Variants in USH2A observed in about 807,000 individuals in gnomAD.
USH2A encodes usherin, also known as Usher syndrome 2A (autosomal recessive, mild).
In USH2A, 443 loss-of-function variants were observed where a neutral mutation model predicts 538.9. That is an observed-to-expected ratio of 0.82 (90% CI 0.76 to 0.89). The LOEUF is 0.89. Ranked by LOEUF, USH2A falls within the 40% of genes least tolerant of loss-of-function variation. The pLI is 0.00. For synonymous variants in USH2A, 2,413 were observed against 2,273.5 expected, an observed-to-expected ratio of 1.06 and a Z score of -1.75; for missense variants, 6,633 against 6,324.8, an observed-to-expected ratio of 1.05 and a Z score of -1.65.
intron 21 of USH2A, among the ~76,000 whole-genome samples, chr1:216,165,973 C>T (rs554489480): frequency 1.6e-4 from 24 of 152,176 alleles, no homozygotes; most frequent in African/African-American, 5.5e-4. Flanking sequence ...CCCACACTTT[C>T]CCCTGAGTCC....
At chr1:216,157,089 G>A (rs1023400928) in intron 21 of USH2A, among the ~76,000 whole-genome samples, 7 of 152,082 alleles carry the variant, frequency 4.6e-5, no homozygotes, top group Non-Finnish European at 1.0e-4. Context: ...GACCAGGATG[G>A]TCTCGATCTC....
rs151263705 is a variant in USH2A, at chr1:215,784,620, A to T, written c.10388-1685T>A. Reference sequence around the variant, plus strand: ...TTGCATAAATGAATAAATTTTTGTCAGCACTGGTATTGTCAGCTTTCAAGT... The same window carrying T: ...TTGCATAAATGAATAAATTTTTGTCTGCACTGGTATTGTCAGCTTTCAAGT... On this transcript the variant is annotated intron_variant, in intron 52 of 71. Transcript: ENST00000307340. 7.7e-4 allele frequency among the ~76,000 whole-genome samples: 117 copies of T among 152,334 alleles called. 1 individual carries two copies. In the East Asian group the frequency reaches 0.018, roughly 23 times the overall value.
intron 11 of USH2A, among the ~76,000 whole-genome samples, chr1:216,268,787 A>C (rs1448807156): frequency 6.6e-6 from 1 of 152,008 alleles, no homozygotes; most frequent in Admixed American, 6.6e-5. Flanking sequence ...CCACATGACT[A>C]ACTCCTTCAT....
In USH2A at chr1:216,175,388, A is replaced by G. The variant is rs2034357479; in HGVS notation, c.4491T>C (p.Ser1497=). The change falls in exon 21 of 72, where the codon TCT becomes TCC. Residue 1497 remains serine, a synonymous_variant. Transcript: ENST00000307340. ...CTCTCCTTTCCAGCTGATATATAGG[A>G]GAGGGTCCATTCAGTTCTTCAGGTG... ...WFPPEELNGP[S]PIYQLERRES... The G allele has an allele frequency of 1.9e-6, 3 of 1,613,626 alleles. No homozygotes were observed. The highest frequency in any genetic ancestry group is 1.7e-5 in the Admixed American group (1 of 59,938).
chr1:216,095,919 A>G (rs1005674244), intron 22 of USH2A, among the ~76,000 whole-genome samples: 3 of 152,184 alleles, frequency 2.0e-5, no homozygotes, highest in Non-Finnish European at 4.4e-5. Flanking sequence ...CTTTACCAAT[A>G]AAATGTAAAA....
chr1:216,351,409 G>T (rs912499230), intron 4 of USH2A, among the ~76,000 whole-genome samples: 1 of 152,142 alleles, frequency 6.6e-6, no homozygotes, highest in Non-Finnish European at 1.5e-5. Flanking sequence ...GTTCCAGGTT[G>T]AAAGAACAGC....
Position 216,246,836 on chromosome 1 carries a change from C to A in USH2A, c.2558G>T (p.Gly853Val). ...LCLPCNCDKT[G>V]TINGSLLCNK... The stretch of plus-strand genomic sequence containing the variant: ...ACACAGCAGAGAGCCATTTATTGTC[C>A]CAGTCTTATCACAGTTGCAAGGCAG... The change falls in exon 13 of 72, where the codon GGG becomes GTG. Residue 853 changes from glycine to valine, a missense_variant. Coordinates refer to ENST00000307340, the MANE Select transcript of USH2A (RefSeq NM_206933.4). 1 of 1,614,084 alleles carries A rather than the reference C, an allele frequency of 6.2e-7. No homozygotes were observed. Among genetic ancestry groups the A allele is most frequent in the Non-Finnish European group, 8.5e-7 (1 of 1,179,966 alleles).
chr1:216,096,525 T>C (rs1277492175), intron 22 of USH2A, among the ~76,000 whole-genome samples: 3 of 152,208 alleles, frequency 2.0e-5, no homozygotes, highest in African/African-American at 7.2e-5. Context: ...AATTTATTTC[T>C]TTATTTTATG....
At chr1:216,071,515 T>C (rs1369934557) in intron 29 of USH2A, among the ~76,000 whole-genome samples, 2 of 152,182 alleles carry the variant, frequency 1.3e-5, no homozygotes, top group African/African-American at 4.8e-5. Flanking sequence ...AATTAAATAG[T>C]GCAATTATTC....
chr1:216,242,701 C>G (rs936985034), intron 13 of USH2A, among the ~76,000 whole-genome samples: 6 of 152,040 alleles, frequency 3.9e-5, no homozygotes, highest in African/African-American at 1.2e-4. Flanking sequence ...ACATGGCTAC[C>G]CAGTTCACCT....
At chr1:216,136,696 C>T (rs200218074) in intron 21 of USH2A, among the ~76,000 whole-genome samples, 1 of 151,994 alleles carries the variant, frequency 6.6e-6, no homozygotes, top group Admixed American at 6.6e-5. Flanking sequence ...AGGGTGAGGC[C>T]CTACTGTAGT....
At chr1:216,383,654 G>A (rs557747278) in intron 3 of USH2A, among the ~76,000 whole-genome samples, 24 of 152,134 alleles carry the variant, frequency 1.6e-4, no homozygotes, top group Non-Finnish European at 2.8e-4. Flanking sequence ...TTATCTTCAC[G>A]TATAATTCTT....
rs9728151 is a variant in USH2A at position 216,123,208 on chromosome 1, G to A, written c.4628-25995C>T. ...CTTCTTCCTCTGGGTAAATAGCACA[G>A]TTGCACAGTTTTGTTAAGCACAGGG... is the stretch of plus-strand genomic sequence containing the variant. On this transcript the variant is annotated intron_variant, in intron 21 of 71. Transcript: ENST00000307340. 2.7e-3 allele frequency among the ~76,000 whole-genome samples: 405 copies of A among 152,280 alleles called. 3 individuals carry two copies. Among genetic ancestry groups the A allele is most frequent in the African/African-American group, 9.2e-3 (381 of 41,556 alleles).
chr1:216,067,322 G>T (rs1369697449), intron 30 of USH2A, among the ~76,000 whole-genome samples: 1 of 152,104 alleles, frequency 6.6e-6, no homozygotes, highest in African/African-American at 2.4e-5. Context: ...TGTAGATGCC[G>T]GGTTGATGGG....
At chr1:216,223,977 C>A (rs980345610) in intron 14 of USH2A, among the ~76,000 whole-genome samples, 4 of 152,180 alleles carry the variant, frequency 2.6e-5, no homozygotes, top group African/African-American at 9.7e-5. Context: ...GTATTTTATG[C>A]TCCAGAAGTC....
chr1:216,125,933 A>G lies in USH2A; in HGVS notation c.4628-28720T>C, dbSNP rs531090782. On this transcript the variant is annotated intron_variant, in intron 21 of 71. Transcript: ENST00000307340. Reference sequence around the variant, plus strand: ...ACGCCGTAGGTCTTTTATCATTATAAGACAGCTGCCAATTTAAGTGATTCA... The same window carrying G: ...ACGCCGTAGGTCTTTTATCATTATAGGACAGCTGCCAATTTAAGTGATTCA... Among the ~76,000 whole-genome samples, 58 of 152,338 alleles carry G rather than the reference A, an allele frequency of 3.8e-4. No individual in the cohort carries two copies. In the South Asian group the frequency reaches 0.012, roughly 32 times the overall value.
At chr1:216,384,371 C>T (rs963315218) in intron 3 of USH2A, among the ~76,000 whole-genome samples, 9 of 151,594 alleles carry the variant, frequency 5.9e-5, no homozygotes, top group South Asian at 4.2e-4. Context: ...AAGATAAGTA[C>T]GAGGTAGGGG....
intron 41 of USH2A, among the ~76,000 whole-genome samples, chr1:215,879,538 C>T (rs1386502750): frequency 6.6e-6 from 1 of 152,156 alleles, no homozygotes; most frequent in Non-Finnish European, 1.5e-5. Flanking sequence ...CCAAATAAGT[C>T]ACTTTTTCTT....
chr1:216,421,918 G>A lies in USH2A; in HGVS notation c.419C>T (p.Pro140Leu). The change falls in exon 2 of 72, where the codon CCT becomes CTT. Residue 140 changes from proline to leucine, a missense_variant. Pro to Leu is a moderately conservative substitution (Grantham distance 98). Coordinates refer to ENST00000307340, the MANE Select transcript of USH2A (RefSeq NM_206933.4). Reference sequence around the variant, plus strand: ...AAATGATGCCATCAGCTTTGGAGAAGGAGGAGAAGAAAAGCAGCTCTTGTG... The same window carrying A: ...AAATGATGCCATCAGCTTTGGAGAAAGAGGAGAAGAAAAGCAGCTCTTGTG... ...GNHKSCFSSP[P>L]SPKLMASFTL... The A allele has an allele frequency of 6.2e-7, 1 of 1,613,926 alleles. No individual in the cohort carries two copies. The highest frequency in any genetic ancestry group is 8.5e-7 in the Non-Finnish European group (1 of 1,179,898).
Sources: allele counts gnomAD v4.1 joint callset (sites outside exome capture counted in the v4.1 genomes callset), GRCh38; gene constraint gnomAD v4.1.1; transcripts MANE v1.5; gene names NCBI Gene and HGNC (gene_info 2026-07-23, HGNC 2026-07-21).